The following ATG5 variants were observed in gnomAD, a reference collection of about 807,000 sequenced individuals.
The protein encoded by ATG5 is autophagy protein 5.
In ATG5, 14 loss-of-function variants were observed where a neutral mutation model predicts 36.5. The ratio of observed to expected loss-of-function variants is 0.38; its 90% CI spans 0.25 to 0.60. The LOEUF is 0.60. Ranked by LOEUF, ATG5 falls within the 20% of genes least tolerant of loss-of-function variation. The pLI is 0.60. For missense variants in ATG5, 195 were observed against 326.7 expected, an observed-to-expected ratio of 0.60 and a Z score of 3.11; for synonymous variants, 95 against 101.5, an observed-to-expected ratio of 0.94 and a Z score of 0.38.
At chr6:106,287,051 TAGATA>T (rs1189496704) in intron 4 of ATG5, among the ~76,000 whole-genome samples, 2 of 152,170 alleles carry the variant, frequency 1.3e-5, no homozygotes, top group Non-Finnish European at 2.9e-5. Flanking sequence ...CAGACAATAG[TAGATA>T]ACTAATACAA....
chr6:106,187,497 A>C (rs2114298034), intron 7 of ATG5, among the ~76,000 whole-genome samples: 1 of 152,234 alleles, frequency 6.6e-6, no homozygotes, highest in Middle Eastern at 3.4e-3. Flanking sequence ...CCTCTAATGA[A>C]AAAGAAAAAA....
chr6:106,259,190 C>T (rs948345579), intron 5 of ATG5, among the ~76,000 whole-genome samples: 1 of 152,028 alleles, frequency 6.6e-6, no homozygotes, highest in African/African-American at 2.4e-5. Context: ...ATATATTTCT[C>T]AAAACATATG....
At chr6:106,223,675 G>C (rs1296211264) in intron 6 of ATG5, among the ~76,000 whole-genome samples, 2 of 152,242 alleles carry the variant, frequency 1.3e-5, no homozygotes, top group African/African-American at 4.8e-5. Context: ...TAGAGATACA[G>C]AGAGAAATGA....
At chr6:106,234,114 A>AG (rs1777795365) in intron 6 of ATG5, among the ~76,000 whole-genome samples, 2 of 152,190 alleles carry the variant, frequency 1.3e-5, no homozygotes, top group South Asian at 2.1e-4. Flanking sequence ...GGTATGTCTG[A>AG]GGGGGGTGGA....
chr6:106,242,499 T>C (rs934955677), intron 6 of ATG5, among the ~76,000 whole-genome samples: 2 of 152,176 alleles, frequency 1.3e-5, no homozygotes, highest in Admixed American at 1.3e-4. Context: ...AGAATGAATG[T>C]ACAACAGTGT....
At chr6:106,309,845 T>C (rs759153101) in intron 2 of ATG5, among the ~76,000 whole-genome samples, 1 of 152,136 alleles carries the variant, frequency 6.6e-6, no homozygotes, top group African/African-American at 2.4e-5. Flanking sequence ...TAGCAAACCT[T>C]GAACTTTAAT....
At chr6:106,317,409 T>C (rs1416185481) in intron 1 of ATG5, among the ~76,000 whole-genome samples, 1 of 152,194 alleles carries the variant, frequency 6.6e-6, no homozygotes, top group Non-Finnish European at 1.5e-5. Context: ...TTCCCTTTTT[T>C]TTCCTCTTCC....
chr6:106,195,398 CATCTGACAA>C (rs1365360643), intron 7 of ATG5, among the ~76,000 whole-genome samples: 1 of 152,152 alleles, frequency 6.6e-6, no homozygotes, highest in African/African-American at 2.4e-5. Context: ...ATGTTTGACA[CATCTGACAA>C]TACTACAGGT....
intron 3 of ATG5, among the ~76,000 whole-genome samples, chr6:106,293,566 T>A (rs1682122440): frequency 1.3e-5 from 2 of 152,238 alleles, no homozygotes; most frequent in African/African-American, 2.4e-5. Context: ...ATTAACATTA[T>A]AGCATATACA....
chr6:106,229,051 A>G (rs925054458), intron 6 of ATG5, among the ~76,000 whole-genome samples: 2 of 152,110 alleles, frequency 1.3e-5, no homozygotes, highest in Non-Finnish European at 1.5e-5. Flanking sequence ...TCTGTCCCAC[A>G]CCTCCTGGGT....
At chr6:106,310,302 T>C (rs1397237610) in intron 2 of ATG5, among the ~76,000 whole-genome samples, 2 of 152,144 alleles carry the variant, frequency 1.3e-5, no homozygotes, top group African/African-American at 4.8e-5. Flanking sequence ...TAGCTGCAAT[T>C]TTCTGTTCCG....
At position 106,278,241 on chromosome 6, in the gene ATG5, C is replaced by T. The variant is rs533499667; in HGVS notation, c.478+1420G>A. On this transcript the variant is annotated intron_variant, in intron 5 of 7. Coordinates refer to ENST00000369076, the MANE Select transcript of ATG5 (RefSeq NM_004849.4). ...TACAGGAATGAGCCACCACACCCAG[C>T]CAAAAATGTTTTATTTCTTTGTAAA... 2.6e-5 allele frequency among the ~76,000 whole-genome samples: 4 copies of T among 152,176 alleles called. No individual in the cohort carries two copies. In the East Asian group the frequency reaches 5.8e-4, roughly 22 times the overall value.
intron 5 of ATG5, among the ~76,000 whole-genome samples, chr6:106,275,383 C>T (rs1779600823): frequency 6.6e-6 from 1 of 152,138 alleles, no homozygotes; most frequent in Non-Finnish European, 1.5e-5. Flanking sequence ...TCTCATTAGA[C>T]TTTGCTGTGG....
chr6:106,308,595 A>G, intron 2 of ATG5, 104 bp from the exon 3 acceptor site: 2 of 832,198 alleles, frequency 2.4e-6, no homozygotes, highest in Non-Finnish European at 3.5e-6. Flanking sequence ...TGTTCTTTGC[A>G]TTATTTTGAA....
chr6:106,293,046 G>A lies in ATG5; in HGVS notation c.297C>T (p.Asn99=). 6.2e-7 allele frequency: 1 copy of A among 1,613,448 alleles called. No homozygotes were observed. The highest frequency in any genetic ancestry group is 1.3e-5 in the African/African-American group (1 of 75,036). ...LLASSSALPW[N]ITVHFKSFPE... ...ACTATACCTTAAAATGTACTGTGAT[G>A]TTCCAAGGAAGAGCTGAACTTGATG... is the stretch of plus-strand genomic sequence containing the variant. The change falls in exon 4 of 8, where the codon AAC becomes AAT. Residue 99 remains asparagine, a synonymous_variant. Transcript: ENST00000369076.
At chr6:106,206,182 C>T (rs1221146965) in intron 6 of ATG5, among the ~76,000 whole-genome samples, 1 of 132,148 alleles carries the variant, frequency 7.6e-6, no homozygotes. Flanking sequence ...GCAGAGTCCT[C>T]AAGAATGGGA....
At chr6:106,215,588 T>G (rs1351968380) in intron 6 of ATG5, among the ~76,000 whole-genome samples, 1 of 152,072 alleles carries the variant, frequency 6.6e-6, no homozygotes, top group Non-Finnish European at 1.5e-5. Context: ...CAACAAATTT[T>G]AAAAACATAG....
intron 7 of ATG5, among the ~76,000 whole-genome samples, chr6:106,200,752 T>TTA (rs1776397381): frequency 6.6e-6 from 1 of 152,174 alleles, no homozygotes; most frequent in Admixed American, 6.5e-5. Context: ...AGTGCTAGGA[T>TTA]TACGCGTGAG....
At chr6:106,221,658 C>T (rs1206073749) in intron 6 of ATG5, among the ~76,000 whole-genome samples, 3 of 149,128 alleles carry the variant, frequency 2.0e-5, no homozygotes, top group African/African-American at 5.0e-5. Flanking sequence ...TGCACTCCAC[C>T]CTGGGTGACA....
Sources: allele counts gnomAD v4.1 joint callset (sites outside exome capture counted in the v4.1 genomes callset), GRCh38; gene constraint gnomAD v4.1.1; transcripts MANE v1.5; gene names NCBI Gene and HGNC (gene_info 2026-07-23, HGNC 2026-07-21).